Variants in IDE observed in about 807,000 individuals in gnomAD.
IDE encodes the protein insulin degrading enzyme.
IDE carries 58 observed loss-of-function variants against 133.2 expected under a neutral mutation model. The ratio of observed to expected loss-of-function variants is 0.44; its 90% CI spans 0.35 to 0.54. The LOEUF (loss-of-function observed/expected upper bound fraction) is 0.54, where lower values mean the gene tolerates loss of function less well. IDE is among the 20% of genes least tolerant of loss of function. The pLI is 0.00. For missense variants in IDE, 981 were observed against 1,234.0 expected, an observed-to-expected ratio of 0.79 and a Z score of 3.07; for synonymous variants, 396 against 421.3, an observed-to-expected ratio of 0.94 and a Z score of 0.73.
chr10:92,563,611 T>C (rs1490482986), intron 1 of IDE, among the ~76,000 whole-genome samples: 2 of 151,302 alleles, frequency 1.3e-5, no homozygotes, highest in African/African-American at 4.9e-5. Flanking sequence ...ATTAGCTGGG[T>C]GTGGTGGCAC....
chr10:92,559,101 T>C (rs1364861055), intron 1 of IDE: 1 of 152,144 alleles, frequency 6.6e-6, no homozygotes, highest in Non-Finnish European at 1.5e-5. Flanking sequence ...GGATGGCTTA[T>C]AACAAAAGTA....
intron 4 of IDE, among the ~76,000 whole-genome samples, chr10:92,523,937 C>G (rs1007723986): frequency 1.1e-4 from 16 of 151,932 alleles, no homozygotes; most frequent in Admixed American, 3.3e-4. Flanking sequence ...ATAACCAGAA[C>G]TAAGTTTTTC....
rs190201072 is a variant in IDE at position 92,485,911 on chromosome 10, C to T, written c.1656+1285G>A. Among the ~76,000 whole-genome samples, 475 of 152,166 alleles carry T rather than the reference C, an allele frequency of 3.1e-3. 1 individual carries two copies. The highest frequency in any genetic ancestry group is 5.8e-3 in the Non-Finnish European group (393 of 68,002). On this transcript the variant is annotated intron_variant, in intron 13 of 24. Transcript: ENST00000265986. ...GAGCTATGATCCCACCACTGCACTC[C>T]AGCCTGGGCAACAGAGAGACCCTGT...
chr10:92,508,895 A>G lies in IDE; in HGVS notation c.898-5T>C. On this transcript the variant is annotated splice_polypyrimidine_tract_variant and splice_region_variant and intron_variant, in intron 6 of 24. Transcript: ENST00000265986. ...GGGTACTATTTTGTAAAGTTGCTGG[A>G]GAAAACAAATCACAGAGATTAGCTA... 1 of 1,607,704 alleles carries G rather than the reference A, an allele frequency of 6.2e-7. No individual in the cohort carries two copies.
At chr10:92,513,595 G>GT (rs1353949919) in intron 5 of IDE, among the ~76,000 whole-genome samples, 1 of 150,976 alleles carries the variant, frequency 6.6e-6, no homozygotes, top group Non-Finnish European at 1.5e-5. Flanking sequence ...AACAGCTTTT[G>GT]TTTTCTCTTT....
chr10:92,573,034 C>T (rs1486449948), intron 1 of IDE: 2 of 985,288 alleles, frequency 2.0e-6, no homozygotes, highest in Non-Finnish European at 2.4e-6. Context: ...TTAGTAGGTG[C>T]TGGCTATTAC....
chr10:92,462,317 T>TAAA lies in IDE; in HGVS notation c.2762-1068_2762-1066dup, dbSNP rs57235158. Among the ~76,000 whole-genome samples, 16 of 75,140 alleles carry TAAA rather than the reference T, an allele frequency of 2.1e-4. 1 individual carries two copies. Among genetic ancestry groups the TAAA allele is most frequent in the Middle Eastern group, 0.013 (1 of 78 alleles). The allele number at this position is 75,140 out of a possible 152,430, so 49.3% of individuals were successfully genotyped here. A position where few individuals can be genotyped will look rare whatever the true frequency, so the allele number is the denominator to read the frequency against. The stretch of plus-strand genomic sequence containing the variant: ...TGGGCGACAGAGCAAAACTGTCTCA[T>TAAA]AAAAAAAAAAAAAAAAAAAAAGGCC... On this transcript the variant is annotated intron_variant, in intron 21 of 24. Coordinates refer to ENST00000265986, the MANE Select transcript of IDE (RefSeq NM_004969.4).
At chr10:92,500,766 T>G (rs1286819512) in intron 11 of IDE, among the ~76,000 whole-genome samples, 2 of 152,120 alleles carry the variant, frequency 1.3e-5, no homozygotes. Flanking sequence ...TTTTTTTTTT[T>G]TCCGGAGTGT....
intron 19 of IDE, 80 bp from the exon 20 acceptor site, chr10:92,465,923 C>CTTA: frequency 8.7e-7 from 1 of 1,149,140 alleles, no homozygotes; most frequent in East Asian, 2.3e-5. Flanking sequence ...TCTGCCCACA[C>CTTA]TTACAGATGA....
chr10:92,495,211 C>T (rs1198987377), intron 11 of IDE, among the ~76,000 whole-genome samples: 3 of 134,366 alleles, frequency 2.2e-5, no homozygotes, highest in Non-Finnish European at 4.6e-5. Flanking sequence ...TTACATCACA[C>T]TCGGCTTTTT....
intron 4 of IDE, among the ~76,000 whole-genome samples, chr10:92,517,227 G>C (rs1848978921): frequency 6.6e-6 from 1 of 152,196 alleles, no homozygotes; most frequent in South Asian, 2.1e-4. Flanking sequence ...CTTTAGCTCA[G>C]TAGTGCTGCA....
At chr10:92,494,108 G>A (rs1423957560) in intron 11 of IDE, among the ~76,000 whole-genome samples, 1 of 152,038 alleles carries the variant, frequency 6.6e-6, no homozygotes, top group Non-Finnish European at 1.5e-5. Context: ...TCGAGACAGG[G>A]TCTTGTACAG....
At chr10:92,523,809 G>A (rs1485255131) in intron 4 of IDE, among the ~76,000 whole-genome samples, 15 of 151,270 alleles carry the variant, frequency 9.9e-5, no homozygotes, top group Admixed American at 9.9e-4. Context: ...AGGAGTACCT[G>A]TTTTGTTGTT....
intron 1 of IDE, among the ~76,000 whole-genome samples, chr10:92,564,755 A>T (rs903938881): frequency 2.7e-5 from 4 of 148,118 alleles, no homozygotes; most frequent in African/African-American, 9.8e-5. Flanking sequence ...ATCAAGTGGG[A>T]AGAATCAGAA....
chr10:92,454,633 G>A, intron 24 of IDE, 94 bp from the exon 25 acceptor site: 11 of 830,158 alleles, frequency 1.3e-5, no homozygotes, highest in Non-Finnish European at 2.3e-5. Flanking sequence ...GCATACCTCA[G>A]TTCTACTTAA....
intron 1 of IDE, among the ~76,000 whole-genome samples, chr10:92,552,703 A>T (rs1327548222): frequency 6.6e-6 from 1 of 151,774 alleles, no homozygotes; most frequent in Non-Finnish European, 1.5e-5. Context: ...TACTAAAAAT[A>T]CAAAAATTAG....
At chr10:92,535,423 A>C (rs1304208461) in intron 2 of IDE, among the ~76,000 whole-genome samples, 2 of 152,114 alleles carry the variant, frequency 1.3e-5, no homozygotes, top group African/African-American at 4.8e-5. Flanking sequence ...TTTTCTTGTC[A>C]TGATTTCATT....
chr10:92,467,183 TC>T (rs1845739670), intron 19 of IDE, among the ~76,000 whole-genome samples: 1 of 151,442 alleles, frequency 6.6e-6, no homozygotes, highest in South Asian at 2.1e-4. Flanking sequence ...CAAGCGATCA[TC>T]CCACCTCAGC....
intron 1 of IDE, among the ~76,000 whole-genome samples, chr10:92,562,801 T>G (rs1843340391): frequency 6.6e-6 from 1 of 152,258 alleles, no homozygotes; most frequent in Non-Finnish European, 1.5e-5. Flanking sequence ...TTGTTTTCAT[T>G]ATTTCTTGTT....
Sources: gnomAD v4.1 joint callset for allele counts (sites outside exome capture counted in the v4.1 genomes callset) on GRCh38, gnomAD v4.1.1 for gene constraint, MANE v1.5 for transcripts, NCBI Gene and HGNC (gene_info 2026-07-23, HGNC 2026-07-21) for gene names.